Variants in SIPA1L2 observed in about 807,000 individuals in gnomAD.
SIPA1L2 encodes signal-induced proliferation-associated 1-like protein 2.
A neutral mutation model predicts 163.9 loss-of-function variants in SIPA1L2; 56 were observed. The ratio of observed to expected loss-of-function variants is 0.34; its 90% CI spans 0.28 to 0.43. SIPA1L2 has a LOEUF of 0.43. SIPA1L2 is among the 20% of genes least tolerant of loss of function. The pLI is 1.00. For missense variants in SIPA1L2, 1,974 were observed against 2,193.5 expected (o/e 0.90, Z 2.00); for synonymous variants, 877 against 865.7 (o/e 1.01, Z -0.23).
At chr1:232,603,275 C>T (rs1661704123) in intron 1 of SIPA1L2, among the ~76,000 whole-genome samples, 1 of 152,190 alleles carries the variant, frequency 6.6e-6, no homozygotes, top group Admixed American at 6.5e-5. Flanking sequence ...CGACTAGGGA[C>T]AGCTGGAGAA....
At chr1:232,512,276 T>C (rs1573007195) in intron 3 of SIPA1L2, among the ~76,000 whole-genome samples, 1 of 152,028 alleles carries the variant, frequency 6.6e-6, no homozygotes, top group Non-Finnish European at 1.5e-5. Flanking sequence ...TTGGTGGGAG[T>C]GTAAATTAGT....
rs116522708 is a variant in SIPA1L2 at position 232,476,828 on chromosome 1, A to G, written c.2085+2799T>C. ...TTTATTACAAGAAGGAACACAAGAA[A>G]TTAGATCTGATGTGGACGAGTCTGG... On this transcript the variant is annotated intron_variant, in intron 7 of 22. Coordinates refer to ENST00000674635, the MANE Select transcript of SIPA1L2 (RefSeq NM_020808.5). 5.5e-3 allele frequency among the ~76,000 whole-genome samples: 840 copies of G among 152,320 alleles called. 8 individuals are homozygous for G. The highest frequency in any genetic ancestry group is 0.019 in the African/African-American group (778 of 41,572).
intron 19 of SIPA1L2, among the ~76,000 whole-genome samples, chr1:232,406,539 C>A (rs1572850085): frequency 6.6e-6 from 1 of 152,348 alleles, no homozygotes; most frequent in East Asian, 1.9e-4. Context: ...GACTGCAAGT[C>A]ACTCCCATGA....
chr1:232,572,746 T>TACACATACATACATAC (rs1268436658), intron 2 of SIPA1L2, among the ~76,000 whole-genome samples: 5 of 90,422 alleles, frequency 5.5e-5, no homozygotes, highest in Admixed American at 4.8e-4. Flanking sequence ...TACATATATA[T>TACACATACATACATAC]ATATATATAT....
intron 2 of SIPA1L2, among the ~76,000 whole-genome samples, chr1:232,523,222 CA>C (rs1667536771): frequency 6.6e-6 from 1 of 152,158 alleles, no homozygotes; most frequent in Admixed American, 6.5e-5. Flanking sequence ...ATAGAATAAA[CA>C]AAGGGCTGTT....
chr1:232,457,865 G>C (rs1664016743), intron 10 of SIPA1L2, among the ~76,000 whole-genome samples: 1 of 152,172 alleles, frequency 6.6e-6, no homozygotes, highest in South Asian at 2.1e-4. Flanking sequence ...GTGGTATCTG[G>C]TTATGAGAGG....
intron 11 of SIPA1L2, 119 bp from the exon 12 acceptor site, chr1:232,443,804 A>G: frequency 8.3e-6 from 6 of 720,130 alleles, no homozygotes; most frequent in Non-Finnish European, 1.3e-5. Flanking sequence ...AGGAAGAAAA[A>G]CATATTGCCA....
chr1:232,622,550 G>C (rs1662869766), intron 1 of SIPA1L2, among the ~76,000 whole-genome samples: 1 of 152,196 alleles, frequency 6.6e-6, no homozygotes, highest in African/African-American at 2.4e-5. Flanking sequence ...GGGCTATGCA[G>C]GCATCAGCAC....
chr1:232,620,753 A>G (rs1369662546), intron 1 of SIPA1L2, among the ~76,000 whole-genome samples: 1 of 152,240 alleles, frequency 6.6e-6, no homozygotes, highest in Non-Finnish European at 1.5e-5. Context: ...TGCTTTCTCT[A>G]CCAGGGAAAC....
intron 3 of SIPA1L2, among the ~76,000 whole-genome samples, chr1:232,503,712 T>C (rs1666590348): frequency 6.6e-6 from 1 of 152,270 alleles, no homozygotes; most frequent in African/African-American, 2.4e-5. Flanking sequence ...AACCACTAGT[T>C]GATCATTTAA....
At chr1:232,538,611 G>C (rs1253712538) in intron 2 of SIPA1L2, among the ~76,000 whole-genome samples, 1 of 152,156 alleles carries the variant, frequency 6.6e-6, no homozygotes, top group East Asian at 1.9e-4. Flanking sequence ...AAGTGGTACA[G>C]AGAATGCTGC....
chr1:232,454,438 G>A (rs1663773873), intron 10 of SIPA1L2, among the ~76,000 whole-genome samples: 2 of 152,248 alleles, frequency 1.3e-5, no homozygotes, highest in Non-Finnish European at 2.9e-5. Flanking sequence ...GCACTGGACA[G>A]AAGCTCAGCA....
At chr1:232,532,576 T>G (rs1657029546) in intron 2 of SIPA1L2, among the ~76,000 whole-genome samples, 1 of 152,218 alleles carries the variant, frequency 6.6e-6, no homozygotes, top group Admixed American at 6.5e-5. Context: ...TTACCTTGCA[T>G]TTTTGTGCAG....
intron 7 of SIPA1L2, among the ~76,000 whole-genome samples, chr1:232,474,492 T>C (rs1355544145): frequency 1.3e-5 from 2 of 152,170 alleles, no homozygotes; most frequent in Non-Finnish European, 2.9e-5. Flanking sequence ...ACAAGACCAG[T>C]TTTAACTTAG....
At chr1:232,425,078 T>C (rs1661807821) in intron 18 of SIPA1L2, among the ~76,000 whole-genome samples, 1 of 152,190 alleles carries the variant, frequency 6.6e-6, no homozygotes, top group African/African-American at 2.4e-5. Context: ...ACACGTCATC[T>C]GCACAGGAAC....
At chr1:232,559,450 T>C (rs890475130) in intron 2 of SIPA1L2, among the ~76,000 whole-genome samples, 4 of 152,184 alleles carry the variant, frequency 2.6e-5, no homozygotes, top group Non-Finnish European at 5.9e-5. Flanking sequence ...TTTGCCCCGG[T>C]CAGTGTTCTT....
chr1:232,612,003 C>T lies in SIPA1L2; in HGVS notation c.-319+17866G>A, dbSNP rs77751224. On this transcript the variant is annotated intron_variant, in intron 1 of 22. Coordinates refer to ENST00000674635, the MANE Select transcript of SIPA1L2 (RefSeq NM_020808.5). Reference sequence around the variant, plus strand: ...CCGTGTGCAGCTTACAGACTTGGTGCCCTGTGTCCCTGTCACTCCAGCCGT... The same window carrying T: ...CCGTGTGCAGCTTACAGACTTGGTGTCCTGTGTCCCTGTCACTCCAGCCGT... Among the ~76,000 whole-genome samples the T allele has an allele frequency of 5.4e-3, 822 of 152,292 alleles. 4 individuals are homozygous for T. The highest frequency in any genetic ancestry group is 0.018 in the African/African-American group (764 of 41,542).
chr1:232,438,454 G>T (rs769903363), intron 15 of SIPA1L2, among the ~76,000 whole-genome samples: 5 of 152,174 alleles, frequency 3.3e-5, no homozygotes, highest in Non-Finnish European at 7.3e-5. Flanking sequence ...GGCAGAAATC[G>T]CAAATTAGGT....
intron 1 of SIPA1L2, among the ~76,000 whole-genome samples, chr1:232,594,916 G>C (rs1017016898): frequency 1.7e-4 from 26 of 152,152 alleles, no homozygotes; most frequent in Non-Finnish European, 1.5e-4. Flanking sequence ...CCCACACCCA[G>C]GCTGCACCCA....
Sources: gnomAD v4.1 joint callset for allele counts (sites outside exome capture counted in the v4.1 genomes callset) on GRCh38, gnomAD v4.1.1 for gene constraint, MANE v1.5 for transcripts, NCBI Gene and HGNC (gene_info 2026-07-23, HGNC 2026-07-21) for gene names.